ENOX2: variants seen among roughly 807,000 people sequenced by gnomAD.
ENOX2 encodes the protein APK1 antigen.
ENOX2 carries 36 observed loss-of-function variants against 45.0 expected under a neutral mutation model. The observed-to-expected ratio is 0.80, with a 90% confidence interval of 0.61 to 1.06. The LOEUF (loss-of-function observed/expected upper bound fraction) is 1.06, where lower values mean the gene tolerates loss of function less well. ENOX2 is among the 50% of genes least tolerant of loss of function. The probability of loss-of-function intolerance (pLI) is 0.00; values close to 1 mark genes in which losing one functional copy is unlikely to be tolerated. For synonymous variants in ENOX2, 174 were observed against 152.3 expected, an observed-to-expected ratio of 1.14 and a Z score of -1.05; for missense variants, 423 against 462.5, an observed-to-expected ratio of 0.91 and a Z score of 0.78.
At chrX:130,809,607 G>C (rs1009605355) in intron 2 of ENOX2, among the ~76,000 whole-genome samples, 1 of 111,617 alleles carries the variant, frequency 9.0e-6, no homozygotes, top group Non-Finnish European at 1.9e-5. Flanking sequence ...CCTTAGATTT[G>C]TCTCCCTCTT....
chrX:130,708,885 T>C (rs1383934809), intron 3 of ENOX2, among the ~76,000 whole-genome samples: 1 of 111,710 alleles, frequency 9.0e-6, no homozygotes, highest in Non-Finnish European at 1.9e-5. Flanking sequence ...GAAAGGAAGA[T>C]AAAATGATGA....
intron 9 of ENOX2, among the ~76,000 whole-genome samples, chrX:130,664,973 T>G (rs2036793049): frequency 8.9e-6 from 1 of 112,191 alleles, no homozygotes; most frequent in Non-Finnish European, 1.9e-5. Context: ...CCCATAGGAA[T>G]AGGAGGACTT....
intron 2 of ENOX2, among the ~76,000 whole-genome samples, chrX:130,873,982 G>A (rs1265555843): frequency 9.0e-6 from 1 of 110,554 alleles, no homozygotes; most frequent in Non-Finnish European, 1.9e-5. Context: ...ACCATGGCAC[G>A]TGTATACCTA....
intron 2 of ENOX2, among the ~76,000 whole-genome samples, chrX:130,791,388 T>C (rs2077039823): frequency 9.0e-6 from 1 of 111,234 alleles, no homozygotes. Flanking sequence ...GAAATGAGTA[T>C]TGAACTGAAC....
chrX:130,822,667 A>G (rs1016191438), intron 2 of ENOX2, among the ~76,000 whole-genome samples: 2 of 110,983 alleles, frequency 1.8e-5, no homozygotes, highest in Admixed American at 9.6e-5. Context: ...TAGGAGATAT[A>G]CCTAATGCTA....
At chrX:130,821,221 G>A (rs903208329) in intron 2 of ENOX2, among the ~76,000 whole-genome samples, 5 of 109,099 alleles carry the variant, frequency 4.6e-5, no homozygotes, top group African/African-American at 1.7e-4. Flanking sequence ...AAATCATGCT[G>A]CTATAAAGAC....
intron 3 of ENOX2, among the ~76,000 whole-genome samples, chrX:130,745,958 G>A (rs1045118452): frequency 2.0e-4 from 22 of 112,152 alleles, no homozygotes; most frequent in African/African-American, 5.8e-4. Flanking sequence ...TGGCACTGAA[G>A]TACTAAATAC....
chrX:130,673,022 C>T (rs2037030931), intron 6 of ENOX2, among the ~76,000 whole-genome samples: 1 of 111,892 alleles, frequency 8.9e-6, no homozygotes, highest in African/African-American at 3.3e-5. Flanking sequence ...AGAAAACATC[C>T]AGTACATACC....
intron 3 of ENOX2, among the ~76,000 whole-genome samples, chrX:130,764,499 G>GTT (rs111932904): frequency 0.02 from 2,007 of 98,695 alleles, 53 homozygotes; most frequent in African/African-American, 0.07. Flanking sequence ...GTATAGTACA[G>GTT]TTTTTTTTTT....
chrX:130,710,513 G>A (rs950225472), intron 3 of ENOX2, among the ~76,000 whole-genome samples: 9 of 111,431 alleles, frequency 8.1e-5, no homozygotes, highest in Non-Finnish European at 9.4e-5. Context: ...AGAGGCCAGG[G>A]GTTCTGCTAA....
At chrX:130,713,486 G>A (rs1310017418) in intron 3 of ENOX2, among the ~76,000 whole-genome samples, 2 of 111,592 alleles carry the variant, frequency 1.8e-5, no homozygotes, top group Non-Finnish European at 3.8e-5. Context: ...AACCTTAGAG[G>A]GCTGCCTCAG....
intron 12 of ENOX2, among the ~76,000 whole-genome samples, chrX:130,633,157 C>T (rs111860154): frequency 6.0e-3 from 673 of 111,573 alleles, no homozygotes; most frequent in South Asian, 0.013. Context: ...TAGTTCTTTC[C>T]GCACTAAGAC....
chrX:130,881,488 T>C (rs766006383), intron 2 of ENOX2, among the ~76,000 whole-genome samples: 3 of 112,196 alleles, frequency 2.7e-5, no homozygotes, highest in Non-Finnish European at 5.6e-5. Flanking sequence ...ATTCAGTAGG[T>C]CTGGGATGGG....
chrX:130,687,587 G>A (rs1256916980), intron 5 of ENOX2, among the ~76,000 whole-genome samples: 1 of 112,344 alleles, frequency 8.9e-6, no homozygotes, highest in Non-Finnish European at 1.9e-5. Context: ...GGCCATTTGA[G>A]CTGGCAAGTA....
intron 3 of ENOX2, among the ~76,000 whole-genome samples, chrX:130,728,225 T>C (rs2038652918): frequency 9.0e-6 from 1 of 111,144 alleles, no homozygotes; most frequent in African/African-American, 3.3e-5. Flanking sequence ...ATGTGCAATT[T>C]TTCAAGCATG....
chrX:130,655,454 G>C (rs1381610322), intron 10 of ENOX2, among the ~76,000 whole-genome samples: 3 of 111,446 alleles, frequency 2.7e-5, no homozygotes, highest in Non-Finnish European at 5.7e-5. Context: ...AGGAAATTCA[G>C]ATTTGAATTA....
chrX:130,729,939 G>T (rs1191298512), intron 3 of ENOX2, among the ~76,000 whole-genome samples: 2 of 112,340 alleles, frequency 1.8e-5, no homozygotes, highest in Admixed American at 1.9e-4. Context: ...GTGTGTTCAT[G>T]TGTGGGTGAA....
intron 2 of ENOX2, among the ~76,000 whole-genome samples, chrX:130,803,371 T>A (rs1687225713): frequency 8.9e-6 from 1 of 112,014 alleles, no homozygotes; most frequent in Non-Finnish European, 1.9e-5. Context: ...ATTACACACA[T>A]ATATTTTGTT....
At chrX:130,842,393 A>G (rs1355659304) in intron 2 of ENOX2, among the ~76,000 whole-genome samples, 1 of 112,202 alleles carries the variant, frequency 8.9e-6, no homozygotes, top group Non-Finnish European at 1.9e-5. Flanking sequence ...GAGATGATTA[A>G]TTCAAAGAAA....
Sources: allele counts gnomAD v4.1 joint callset (sites outside exome capture counted in the v4.1 genomes callset), GRCh38; gene constraint gnomAD v4.1.1; transcripts MANE v1.5; gene names NCBI Gene and HGNC (gene_info 2026-07-23, HGNC 2026-07-21).